ADAMTS17: variants seen among roughly 807,000 people sequenced by gnomAD.
ADAMTS17 encodes ADAM metallopeptidase with thrombospondin type 1 motif 17, also known as A disintegrin and metalloproteinase with thrombospondin motifs 17.
Under a neutral mutation model 141.5 loss-of-function variants are expected in ADAMTS17, and 113 were observed. The ratio of observed to expected loss-of-function variants is 0.80; its 90% confidence interval spans 0.69 to 0.93. The LOEUF (loss-of-function observed/expected upper bound fraction) is 0.93. Ranked by LOEUF, ADAMTS17 falls within the 40% of genes least tolerant of loss-of-function variation. ADAMTS17 has a pLI of 0.00. For missense variants in ADAMTS17, 1,659 were observed against 1,517.9 expected (o/e 1.09, Z -1.54); for synonymous variants, 768 against 630.6 (o/e 1.22, Z -3.27).
chr15:100,180,889 C>G (rs927098937), intron 8 of ADAMTS17, among the ~76,000 whole-genome samples: 1 of 152,200 alleles, frequency 6.6e-6, no homozygotes, highest in African/African-American at 2.4e-5. Flanking sequence ...CAAGGCTTGT[C>G]CTTCCCTTCA....
chr15:100,085,527 A>C (rs2035043097), intron 15 of ADAMTS17, among the ~76,000 whole-genome samples: 2 of 152,010 alleles, frequency 1.3e-5, no homozygotes. Context: ...GAGCGACTCC[A>C]AGACACATAA....
At position 100,057,756 on chromosome 15, in the gene ADAMTS17, G is replaced by A. The variant is rs74726333; in HGVS notation, c.2138-3702C>T. ...GGAAAAGGCAGCTTTCTTCCCACAG[G>A]GTTTCCCAGAGACTGGATGTGAGCC... On this transcript the variant is annotated intron_variant, in intron 15 of 21. Transcript: ENST00000268070. Among the ~76,000 whole-genome samples the A allele has an allele frequency of 7.3e-3, 1,104 of 152,268 alleles. 12 individuals carry two copies. The highest frequency in any genetic ancestry group is 0.025 in the African/African-American group (1,057 of 41,544).
rs1353002077 is a variant in ADAMTS17 at position 100,255,854 on chromosome 15, T to C, written c.1032-1675A>G. On this transcript the variant is annotated intron_variant, in intron 6 of 21. Transcript: ENST00000268070. ...GACTCCACCTCCCTGCGTTCTCCCA[T>C]CCAATGGCTGCCCTGAGGGGAAACA... Among the ~76,000 whole-genome samples, 7 of 152,088 alleles carry C rather than the reference T, an allele frequency of 4.6e-5. No individual in the cohort carries two copies. The East Asian group carries it at 9.6e-4, about 21-fold the overall frequency.
intron 10 of ADAMTS17, among the ~76,000 whole-genome samples, chr15:100,139,255 C>A (rs1267361655): frequency 2.0e-5 from 3 of 152,156 alleles, no homozygotes; most frequent in Admixed American, 2.0e-4. Context: ...TCAGGGGCGA[C>A]TTAGCTCAGT....
chr15:100,021,196 G>A (rs2061400949), intron 18 of ADAMTS17, among the ~76,000 whole-genome samples: 1 of 152,270 alleles, frequency 6.6e-6, no homozygotes, highest in South Asian at 2.1e-4. Flanking sequence ...AGGATAGCAG[G>A]GAGTCCCACC....
chr15:100,009,829 G>A (rs1403468744), intron 18 of ADAMTS17, among the ~76,000 whole-genome samples: 1 of 152,108 alleles, frequency 6.6e-6, no homozygotes, highest in Non-Finnish European at 1.5e-5. Context: ...TAGACATGAG[G>A]GACAGAACAC....
At chr15:100,140,816 C>A (rs190215776) in intron 10 of ADAMTS17, among the ~76,000 whole-genome samples, 1 of 152,198 alleles carries the variant, frequency 6.6e-6, no homozygotes, top group East Asian at 1.9e-4. Context: ...GAGTGTCCAT[C>A]CTCTCATCTG....
At chr15:100,140,250 C>T (rs922818407) in intron 10 of ADAMTS17, among the ~76,000 whole-genome samples, 3 of 152,066 alleles carry the variant, frequency 2.0e-5, no homozygotes, top group South Asian at 2.1e-4. Context: ...CCTGCCTTGG[C>T]CCCCCAAAGT....
chr15:100,065,668 C>T (rs755542152), intron 15 of ADAMTS17, among the ~76,000 whole-genome samples: 7 of 152,140 alleles, frequency 4.6e-5, no homozygotes, highest in Non-Finnish European at 1.0e-4. Context: ...ACTGTGAGAA[C>T]AGGATAGGTA....
chr15:100,095,834 A>G (rs9920439), intron 15 of ADAMTS17, among the ~76,000 whole-genome samples: 34,984 of 152,072 alleles, frequency 0.23, 5,178 homozygotes, highest in East Asian at 0.48. Flanking sequence ...GGACAGTGCT[A>G]AGGAATGTCT....
rs533369733 is a variant in ADAMTS17 at position 99,975,358 on chromosome 15, C to T, written c.3127+687G>A. On this transcript the variant is annotated intron_variant, in intron 21 of 21. Transcript: ENST00000268070. The stretch of plus-strand genomic sequence containing the variant: ...CTGAGGCGTGGGGACTACAGGCACA[C>T]GCCACCACGCCCGGCTGATTTTTGT... 4.4e-4 allele frequency among the ~76,000 whole-genome samples: 67 copies of T among 152,210 alleles called. No homozygotes were observed. In the South Asian group the frequency reaches 7.5e-3, roughly 17 times the overall value.
intron 4 of ADAMTS17, among the ~76,000 whole-genome samples, chr15:100,269,342 C>T (rs1290596866): frequency 3.3e-5 from 5 of 152,030 alleles, no homozygotes; most frequent in Non-Finnish European, 5.9e-5. Flanking sequence ...CTTTATGTAC[C>T]CAGGAGTAGA....
intron 2 of ADAMTS17, among the ~76,000 whole-genome samples, chr15:100,333,913 G>C (rs1379990026): frequency 6.6e-6 from 1 of 152,186 alleles, no homozygotes; most frequent in East Asian, 1.9e-4. Context: ...GAAGCCCCTT[G>C]GTTTTAAGGC....
chr15:100,059,915 A>G (rs1281447007), intron 15 of ADAMTS17, among the ~76,000 whole-genome samples: 1 of 152,138 alleles, frequency 6.6e-6, no homozygotes, highest in Non-Finnish European at 1.5e-5. Flanking sequence ...TGGGCTCTAC[A>G]AGTTCCTGTC....
At chr15:100,167,215 T>C (rs567551716) in intron 8 of ADAMTS17, among the ~76,000 whole-genome samples, 19 of 152,286 alleles carry the variant, frequency 1.2e-4, no homozygotes, top group Non-Finnish European at 2.2e-4. Context: ...TATCACCTCA[T>C]TGGATATCAT....
intron 7 of ADAMTS17, among the ~76,000 whole-genome samples, chr15:100,237,245 G>A (rs888395153): frequency 4.6e-5 from 7 of 152,192 alleles, no homozygotes; most frequent in South Asian, 2.1e-4. Flanking sequence ...TGTGAGGGCC[G>A]AGGTCTGAGG....
chr15:100,329,384 A>G (rs1299410921), intron 3 of ADAMTS17, among the ~76,000 whole-genome samples: 1 of 151,906 alleles, frequency 6.6e-6, no homozygotes, highest in Admixed American at 6.6e-5. Context: ...CCAAAACAAA[A>G]ATTAGCCAGG....
In ADAMTS17 at chr15:100,281,388, C is replaced by A. The variant is rs575050362; in HGVS notation, c.630G>T (p.Pro210=). 5.6e-6 allele frequency: 9 copies of A among 1,612,574 alleles called. No individual in the cohort carries two copies. The African/African-American group carries it at 1.2e-4, about 21-fold the overall frequency. The change falls in exon 4 of 22, where the codon CCG becomes CCT. Residue 210 remains proline (P), a synonymous_variant. Transcript: ENST00000268070. The part of the protein sequence containing the change: ...LCKVLTEKKK[P]TWGRPSRDWR... ...AGTCCCGCGAAGGCCTGCCCCACGT[C>A]GGCTTCTTCTTTTCTAGAAAATGAT...
chr15:99,996,345 G>A (rs1250470195), intron 19 of ADAMTS17, among the ~76,000 whole-genome samples: 1 of 152,090 alleles, frequency 6.6e-6, no homozygotes. Flanking sequence ...GGCTCACCTA[G>A]AGTACTGGAA....
Sources: allele counts gnomAD v4.1 joint callset (sites outside exome capture counted in the v4.1 genomes callset), GRCh38; gene constraint gnomAD v4.1.1; transcripts MANE v1.5; gene names NCBI Gene and HGNC (gene_info 2026-07-23, HGNC 2026-07-21).